The following MPPED2 variants were observed in gnomAD, a reference collection of about 807,000 sequenced individuals.
MPPED2 encodes the protein metallophosphoesterase domain containing 2, also known as metallophosphoesterase MPPED2.
MPPED2 carries 5 observed loss-of-function variants against 33.0 expected under a neutral mutation model. The observed-to-expected ratio is 0.15, with a 90% CI of 0.08 to 0.32. MPPED2 has a LOEUF of 0.32. Among genes scored for constraint, MPPED2 ranks in the 10% least tolerant of loss-of-function variants. The pLI, the probability that MPPED2 is intolerant of heterozygous loss-of-function variation, is 1.00. For missense variants in MPPED2, 275 were observed against 372.1 expected, an observed-to-expected ratio of 0.74 and a Z score of 2.15; for synonymous variants, 136 against 141.9, an observed-to-expected ratio of 0.96 and a Z score of 0.29.
At chr11:30,458,306 A>G (rs769516933) in intron 4 of MPPED2, among the ~76,000 whole-genome samples, 6 of 152,254 alleles carry the variant, frequency 3.9e-5, no homozygotes, top group Non-Finnish European at 8.8e-5. Flanking sequence ...AAGTACGAAG[A>G]AAGTGAAAGT....
chr11:30,387,691 T>C (rs1055878183), exon 7 of MPPED2: 2 of 152,252 alleles, frequency 1.3e-5, no homozygotes, highest in Non-Finnish European at 2.9e-5. Context: ...GGTTCTGTGG[T>C]GCATGATTCC....
At chr11:30,528,312 G>T (rs541015866) in intron 3 of MPPED2, among the ~76,000 whole-genome samples, 278 of 152,192 alleles carry the variant, frequency 1.8e-3, no homozygotes, top group African/African-American at 6.4e-3. Context: ...CTAGAGTGCA[G>T]TAGCACGATC....
At chr11:30,451,836 T>A in intron 4 of MPPED2, 2 of 985,314 alleles carry the variant, frequency 2.0e-6, no homozygotes, top group Non-Finnish European at 2.4e-6. Context: ...CAGGCTGCGG[T>A]GGGAAGTCAG....
downstream of MPPED2, among the ~76,000 whole-genome samples, chr11:30,406,648 A>AAAAC (rs941151541): frequency 1.4e-4 from 21 of 152,184 alleles, no homozygotes; most frequent in African/African-American, 4.6e-4. Context: ...AAAACAAAAT[A>AAAAC]AAACAAACAA....
intron 4 of MPPED2, among the ~76,000 whole-genome samples, chr11:30,492,138 T>C (rs1321820819): frequency 2.0e-5 from 3 of 152,232 alleles, no homozygotes; most frequent in Non-Finnish European, 4.4e-5. Flanking sequence ...ATATAAACTT[T>C]GTCTGCAGTT....
intron 3 of MPPED2, among the ~76,000 whole-genome samples, chr11:30,506,363 C>A (rs1263152625): frequency 6.6e-6 from 1 of 152,096 alleles, no homozygotes; most frequent in African/African-American, 2.4e-5. Context: ...TATTTTTATC[C>A]TGTCTTCTGT....
At chr11:30,443,812 G>A (rs958309258) in intron 4 of MPPED2, among the ~76,000 whole-genome samples, 12 of 152,092 alleles carry the variant, frequency 7.9e-5, no homozygotes, top group South Asian at 6.2e-4. Flanking sequence ...CTCACCATAC[G>A]AATGACTGCA....
intron 4 of MPPED2, among the ~76,000 whole-genome samples, chr11:30,447,042 T>C (rs959506271): frequency 3.3e-5 from 5 of 152,174 alleles, no homozygotes; most frequent in African/African-American, 7.2e-5. Flanking sequence ...GTGATTTTAT[T>C]TGATAACATT....
chr11:30,391,464 G>T (rs1211063703), intron 6 of MPPED2, among the ~76,000 whole-genome samples: 1 of 152,152 alleles, frequency 6.6e-6, no homozygotes, highest in Non-Finnish European at 1.5e-5. Flanking sequence ...CAGTTGGTGG[G>T]ATAGTGGGCT....
intron 4 of MPPED2, chr11:30,468,906 G>C (rs7120175): frequency 0.38 from 57,734 of 152,046 alleles, 12,112 homozygotes; most frequent in East Asian, 0.52. Context: ...TTAACAGCAA[G>C]CTGCATAGCC....
chr11:30,415,812 T>C lies in MPPED2; in HGVS notation c.653-1471A>G, dbSNP rs374969349. 3.0e-4 allele frequency among the ~76,000 whole-genome samples: 46 copies of C among 152,354 alleles called. 1 individual carries two copies. In the South Asian group the frequency reaches 8.3e-3, roughly 27 times the overall value. On this transcript the variant is annotated intron_variant, in intron 5 of 6. Transcript: ENST00000358117. ...CCATTTGCTTTTATACCAAAATCAA[T>C]GACTTGATAAGTTTGTTCTGTTCAA...
At chr11:30,433,747 T>C (rs1949189218) in intron 4 of MPPED2, among the ~76,000 whole-genome samples, 1 of 152,212 alleles carries the variant, frequency 6.6e-6, no homozygotes, top group Admixed American at 6.5e-5. Context: ...CAGAGATAGA[T>C]AGAAAATTCG....
intron 3 of MPPED2, among the ~76,000 whole-genome samples, chr11:30,498,778 T>G (rs1396739017): frequency 6.6e-6 from 1 of 152,156 alleles, no homozygotes; most frequent in African/African-American, 2.4e-5. Flanking sequence ...TCTATCTTTA[T>G]ATGTAAAATA....
intron 2 of MPPED2, among the ~76,000 whole-genome samples, chr11:30,539,608 G>A (rs937500295): frequency 6.6e-6 from 1 of 151,922 alleles, no homozygotes; most frequent in Non-Finnish European, 1.5e-5. Context: ...TTGGTTTGTT[G>A]GTTGTTTTTT....
chr11:30,519,903 G>C (rs1339739871), intron 3 of MPPED2, among the ~76,000 whole-genome samples: 1 of 152,118 alleles, frequency 6.6e-6, no homozygotes. Context: ...AACGACTAGG[G>C]AATAGGATTA....
intron 2 of MPPED2, among the ~76,000 whole-genome samples, chr11:30,547,872 C>T (rs1016039784): frequency 2.0e-5 from 3 of 152,116 alleles, no homozygotes; most frequent in African/African-American, 7.2e-5. Flanking sequence ...GCAGAGGTTA[C>T]GAAGATGCCA....
At chr11:30,557,225 A>AATATATATATATT (rs1005444578) in intron 2 of MPPED2, among the ~76,000 whole-genome samples, 1 of 141,702 alleles carries the variant, frequency 7.1e-6, no homozygotes, top group African/African-American at 3.1e-5. Context: ...ATATATATAT[A>AATATATATATATT]ATATATATAT....
chr11:30,517,583 GC>G (rs1953604504), intron 3 of MPPED2, among the ~76,000 whole-genome samples: 1 of 152,170 alleles, frequency 6.6e-6, no homozygotes, highest in Admixed American at 6.5e-5. Flanking sequence ...TAGTAACGCT[GC>G]TAAAGTGTAG....
chr11:30,421,295 T>A (rs1041578597), intron 4 of MPPED2, among the ~76,000 whole-genome samples: 2 of 152,324 alleles, frequency 1.3e-5, no homozygotes, highest in African/African-American at 4.8e-5. Flanking sequence ...ATAAGTGCTC[T>A]GTAAAAGATA....
Sources: gnomAD v4.1 joint callset for allele counts (sites outside exome capture counted in the v4.1 genomes callset) on GRCh38, gnomAD v4.1.1 for gene constraint, MANE v1.5 for transcripts, NCBI Gene and HGNC (gene_info 2026-07-23, HGNC 2026-07-21) for gene names.